Variants in MPC2 observed in about 807,000 individuals in gnomAD.
MPC2 encodes brain protein 44.
Under a neutral mutation model 19.2 loss-of-function variants are expected in MPC2, and 19 were observed. That is an observed-to-expected ratio of 0.99 (90% CI 0.69 to 1.45). MPC2 has a LOEUF of 1.45. Ranked by LOEUF, MPC2 falls within the 40% of genes most tolerant of loss-of-function variation. The pLI, the probability that MPC2 is intolerant of heterozygous loss-of-function variation, is 0.00. For synonymous variants in MPC2, 61 were observed against 54.3 expected, an observed-to-expected ratio of 1.12 and a Z score of -0.54; for missense variants, 122 against 153.0, an observed-to-expected ratio of 0.80 and a Z score of 1.07.
rs1197746767 is a variant in MPC2, at chr1:167,925,470, T to TATATATATATATATAC, written c.110-934_110-933insGTATATATATATATAT. On this transcript the variant is annotated intron_variant, in intron 2 of 5. Coordinates refer to ENST00000271373, the MANE Select transcript of MPC2 (RefSeq NM_001143674.4). ...ATATATATATATATATATATATATA[T>TATATATATATATATAC]ATATACATATACATATACACACACA... Among the ~76,000 whole-genome samples, 6 of 107,766 alleles carry TATATATATATATATAC rather than the reference T, an allele frequency of 5.6e-5. No homozygotes were observed. In the East Asian group the frequency reaches 1.4e-3, roughly 25 times the overall value. 70.7% of individuals were successfully genotyped at this position (107,766 alleles called of 152,430 possible).
chr1:167,935,774 A>G lies in MPC2; in HGVS notation c.68T>C (p.Met23Thr), dbSNP rs143230699. The G allele has an allele frequency of 1.9e-4, 304 of 1,565,240 alleles. 1 individual carries two copies. The highest frequency in any genetic ancestry group is 5.1e-4 in the Admixed American group (27 of 52,958). Residue 23 changes from methionine (M) to threonine (T), a missense_variant, in exon 2 of 6, where the codon ATG (methionine) becomes ACG (threonine). Transcript: ENST00000271373. Reference protein sequence around the residue: ...YHRLLDKVELMLPEKLRPLYN... With the variant: ...YHRLLDKVELTLPEKLRPLYN... ...CAACGGCCTCAATTTCTCGGGCAGC[A>G]TCAGCTCCACTTTATCGAGGAGCCG...
chr1:167,935,090 A>G (rs1671054899), intron 2 of MPC2, among the ~76,000 whole-genome samples: 1 of 152,332 alleles, frequency 6.6e-6, no homozygotes, highest in Admixed American at 6.5e-5. Flanking sequence ...TCAAGGTCAC[A>G]ACTATAAGTG....
chr1:167,933,470 A>ATTTT (rs1387160555), intron 2 of MPC2, among the ~76,000 whole-genome samples: 12 of 152,166 alleles, frequency 7.9e-5, no homozygotes. Context: ...CCTGGCTAAA[A>ATTTT]ACACATTCTT....
intron 2 of MPC2, among the ~76,000 whole-genome samples, chr1:167,927,021 C>T (rs754003968): frequency 2.6e-5 from 4 of 152,240 alleles, no homozygotes; most frequent in Non-Finnish European, 4.4e-5. Context: ...CACATTAACC[C>T]GAAGACAAGG....
chr1:167,920,173 T>C, intron 4 of MPC2, 83 bp from the exon 5 acceptor site: 3 of 855,646 alleles, frequency 3.5e-6, no homozygotes, highest in Non-Finnish European at 3.7e-6. Flanking sequence ...GTAAAGTAAT[T>C]ACAACAATAA....
rs1028881632 is a variant in MPC2, at chr1:167,917,479, T to G, written c.*844A>C. The G allele has an allele frequency of 2.6e-5, 4 of 152,046 alleles. No individual in the cohort carries two copies. The highest frequency in any genetic ancestry group is 1.3e-4 in the Admixed American group (2 of 15,178). 9.4% of individuals were successfully genotyped at this position (152,046 alleles called of 1,614,324 possible). ...TGGGTGTGGTGGTGTGTGCCTGTAG[T>G]CCCAGCTGCTCGGGAGGCTGAGGCA... is the stretch of plus-strand genomic sequence containing the variant. On this transcript the variant is annotated 3_prime_UTR_variant, in exon 6 of 6. Transcript: ENST00000271373.
intron 2 of MPC2, among the ~76,000 whole-genome samples, chr1:167,929,604 AAACT>A (rs1670851975): frequency 1.3e-5 from 2 of 152,218 alleles, no homozygotes; most frequent in Admixed American, 6.5e-5. Context: ...ACCTATTAAT[AAACT>A]GACATAAACT....
intron 2 of MPC2, among the ~76,000 whole-genome samples, chr1:167,925,069 T>TA (rs1670698635): frequency 6.6e-6 from 1 of 152,212 alleles, no homozygotes; most frequent in South Asian, 2.1e-4. Flanking sequence ...TACTTGCCTT[T>TA]AGCCTTAAGT....
rs766546674 is a variant in MPC2 at position 167,920,633 on chromosome 1, T to TA, written c.151-3dup. On this transcript the variant is annotated splice_region_variant and splice_polypyrimidine_tract_variant and intron_variant, in intron 3 of 5. Coordinates refer to ENST00000271373, the MANE Select transcript of MPC2 (RefSeq NM_001143674.4). ...AGCCAATCCAGCACACACCAACCCC[T>TA]ACACATTAACGCATAGAAAGAAAAA... 1 of 1,611,746 alleles carries TA rather than the reference T, an allele frequency of 6.2e-7. No homozygotes were observed. The highest frequency in any genetic ancestry group is 1.7e-5 in the Admixed American group (1 of 59,584).
chr1:167,933,206 T>C (rs1342644254), intron 2 of MPC2, among the ~76,000 whole-genome samples: 1 of 151,752 alleles, frequency 6.6e-6, no homozygotes, highest in East Asian at 1.9e-4. Context: ...CCTCGCTCTG[T>C]TGCCAGGCTG....
In MPC2 at chr1:167,917,523, A is replaced by T. The variant is rs1373612157; in HGVS notation, c.*800T>A. 1 of 150,302 alleles carries T rather than the reference A, an allele frequency of 6.7e-6. No homozygotes were observed. Among genetic ancestry groups the T allele is most frequent in the African/African-American group, 2.4e-5 (1 of 40,860 alleles). 9.3% of individuals were successfully genotyped at this position (150,302 alleles called of 1,614,324 possible). On this transcript the variant is annotated 3_prime_UTR_variant, in exon 6 of 6. Transcript: ENST00000271373. ...TGAGGCAGGAGGATCACTTGAGCCC[A>T]GGAGGTAGGGTTTGCAGTGAGCCGA...
At position 167,935,733 on chromosome 1, in the gene MPC2, C is replaced by T; in HGVS notation, c.109G>A (p.Gly37Ser). ...KLRPLYNHPA[G>S]PRTVFFWAPI... is the part of the protein sequence containing the mutation. ...TAAGGAGCCATTCAGGGTCCATTAC[C>T]TGCTGGATGGTTGTACAACGGCCTC... is the stretch of plus-strand genomic sequence containing the variant. Residue 37 changes from glycine (G) to serine (S), a missense_variant and splice_region_variant, in exon 2 of 6, where the codon GGT (glycine) becomes AGT (serine). Transcript: ENST00000271373. 2 of 1,558,984 alleles carry T rather than the reference C, an allele frequency of 1.3e-6. No homozygotes were observed. Among genetic ancestry groups the T allele is most frequent in the Non-Finnish European group, 1.7e-6 (2 of 1,150,718 alleles).
In MPC2 at chr1:167,920,623, C is replaced by A. The variant is rs1230351971; in HGVS notation, c.159G>T (p.Val53=). Reference sequence around the variant, plus strand: ...TGGCCATATCAGCCAATCCAGCACACACCAACCCCTACACATTAACGCATA... The same window carrying A: ...TGGCCATATCAGCCAATCCAGCACAAACCAACCCCTACACATTAACGCATA... ...FWAPIMKWGL[V]CAGLADMARP... The change falls in exon 4 of 6, where the codon GTG becomes GTT. Residue 53 remains valine (V), a synonymous_variant. Transcript: ENST00000271373. The A allele has an allele frequency of 4.3e-6, 7 of 1,613,478 alleles. No individual in the cohort carries two copies. Among genetic ancestry groups the A allele is most frequent in the Non-Finnish European group, 5.9e-6 (7 of 1,179,720 alleles).
intron 2 of MPC2, among the ~76,000 whole-genome samples, chr1:167,929,368 A>G (rs1358538252): frequency 1.3e-5 from 2 of 148,668 alleles, no homozygotes; most frequent in Non-Finnish European, 3.0e-5. Flanking sequence ...TCGAAAAAAG[A>G]AAAAAAAAAG....
intron 2 of MPC2, among the ~76,000 whole-genome samples, chr1:167,933,779 C>A (rs187276062): frequency 4.5e-4 from 68 of 152,322 alleles, no homozygotes; most frequent in Non-Finnish European, 8.5e-4. Context: ...TCCATTTCTA[C>A]ACTGGTGTGC....
intron 5 of MPC2, 131 bp downstream of exon 5, chr1:167,919,848 G>A: frequency 1.1e-5 from 6 of 567,858 alleles, no homozygotes; most frequent in Non-Finnish European, 1.9e-5. Flanking sequence ...CATTATATAT[G>A]AATCTTTTAA....
At chr1:167,931,979 C>A (rs1415950477) in intron 2 of MPC2, among the ~76,000 whole-genome samples, 2 of 152,158 alleles carry the variant, frequency 1.3e-5, no homozygotes, top group South Asian at 4.1e-4. Flanking sequence ...TCAGAGGGAA[C>A]CCATGTAATG....
At chr1:167,930,837 G>C (rs1368612257) in intron 2 of MPC2, among the ~76,000 whole-genome samples, 1 of 152,142 alleles carries the variant, frequency 6.6e-6, no homozygotes, top group East Asian at 1.9e-4. Context: ...TATAGCTTAG[G>C]GCTTTCTTCT....
intron 3 of MPC2, among the ~76,000 whole-genome samples, chr1:167,923,998 A>G (rs1324899287): frequency 6.6e-6 from 1 of 152,240 alleles, no homozygotes; most frequent in Non-Finnish European, 1.5e-5. Context: ...TAAGAAAGAA[A>G]ACTTTGGGGA....
Sources: gnomAD v4.1 joint callset for allele counts (sites outside exome capture counted in the v4.1 genomes callset) on GRCh38, gnomAD v4.1.1 for gene constraint, MANE v1.5 for transcripts, NCBI Gene and HGNC (gene_info 2026-07-23, HGNC 2026-07-21) for gene names.